The following SMAD2 variants were observed in gnomAD, a reference collection of about 807,000 sequenced individuals.
SMAD2 encodes the protein MAD homolog 2.
Under a neutral mutation model 64.4 loss-of-function variants are expected in SMAD2, and 8 were observed. That is an observed-to-expected ratio of 0.12 (90% CI 0.07 to 0.22). SMAD2 has a LOEUF of 0.22. Ranked by LOEUF, SMAD2 falls within the 10% of genes least tolerant of loss-of-function variation. The pLI is 1.00. For synonymous variants in SMAD2, 203 were observed against 195.8 expected (o/e 1.04, Z -0.31); for missense variants, 289 against 561.2 (o/e 0.51, Z 4.90).
At chr18:47,927,898 CA>C (rs1568124552) in intron 1 of SMAD2, among the ~76,000 whole-genome samples, 1 of 152,172 alleles carries the variant, frequency 6.6e-6, no homozygotes, top group East Asian at 1.9e-4. Context: ...AACTCCGTCT[CA>C]AAATAAAATA....
At chr18:47,860,450 A>G (rs1191010431) in intron 6 of SMAD2, among the ~76,000 whole-genome samples, 1 of 151,902 alleles carries the variant, frequency 6.6e-6, no homozygotes, top group Admixed American at 6.6e-5. Flanking sequence ...TTAAAAAAAA[A>G]AAAATTTTTT....
At chr18:47,874,663 G>A (rs1195807045) in intron 2 of SMAD2, among the ~76,000 whole-genome samples, 1 of 152,004 alleles carries the variant, frequency 6.6e-6, no homozygotes, top group African/African-American at 2.4e-5. Flanking sequence ...GATATGGAAA[G>A]GTCTAAAATA....
rs982562406 is a variant in SMAD2 at position 47,816,739 on chromosome 18, A to G, written c.*25088T>C. The G allele has an allele frequency of 6.7e-5, 10 of 149,878 alleles. No individual in the cohort carries two copies. Among genetic ancestry groups the G allele is most frequent in the African/African-American group, 2.2e-4 (9 of 40,822 alleles). The allele number at this position is 149,878 out of a possible 1,614,324, so 9.3% of individuals were successfully genotyped here. On this transcript the variant is annotated 3_prime_UTR_variant, in exon 11 of 11. Transcript: ENST00000262160. ...TGTCTTCCTTTACTTCCCTGAATAC[A>G]CACGTAGTTTACCATGACATGGGTC...
intron 5 of SMAD2, 166 bp downstream of exon 5, chr18:47,868,157 C>A: frequency 1.5e-6 from 1 of 647,304 alleles, no homozygotes; most frequent in Non-Finnish European, 2.7e-6. Flanking sequence ...GTTTAATGTA[C>A]TAGGCTTATA....
At chr18:47,891,951 C>G (rs2033216414) in intron 2 of SMAD2, among the ~76,000 whole-genome samples, 1 of 152,032 alleles carries the variant, frequency 6.6e-6, no homozygotes, top group Admixed American at 6.5e-5. Flanking sequence ...ATACTCATTA[C>G]TAAAAATTTG....
intron 4 of SMAD2, 72 bp from the exon 5 acceptor site, chr18:47,868,529 T>C (rs1029662242): frequency 8.0e-7 from 1 of 1,250,290 alleles, no homozygotes; most frequent in Non-Finnish European, 1.2e-6. Context: ...TTTAAAGTTT[T>C]CAACAAGAAG....
chr18:47,889,687 C>T (rs2033095513), intron 2 of SMAD2, among the ~76,000 whole-genome samples: 1 of 151,116 alleles, frequency 6.6e-6, no homozygotes, highest in African/African-American at 2.4e-5. Context: ...AGGAGAATGG[C>T]GTGAATCCGG....
chr18:47,870,646 A>T, intron 2 of SMAD2, 82 bp from the exon 3 acceptor site: 4 of 892,814 alleles, frequency 4.5e-6, no homozygotes, highest in African/African-American at 1.6e-5. Flanking sequence ...AAACATGGAG[A>T]ATGTACAGAA....
rs1912648785 is a variant in SMAD2 at position 47,823,665 on chromosome 18, G to A, written c.*18162C>T. The stretch of plus-strand genomic sequence containing the variant: ...TTCAAACTGCAAACCAGGACAAAAA[G>A]TTGATGATTTCAGGCTGTAGACATT... On this transcript the variant is annotated 3_prime_UTR_variant, in exon 11 of 11. Transcript: ENST00000262160. The A allele has an allele frequency of 6.6e-6, 1 of 152,182 alleles. No individual in the cohort carries two copies. The highest frequency in any genetic ancestry group is 2.1e-4 in the South Asian group (1 of 4,828). The allele number at this position is 152,182 out of a possible 1,614,324, so 9.4% of individuals were successfully genotyped here. A position where few individuals can be genotyped will look rare whatever the true frequency, so the allele number is the denominator to read the frequency against.
chr18:47,915,351 GATAC>G (rs1336544853), intron 1 of SMAD2, among the ~76,000 whole-genome samples: 1 of 152,104 alleles, frequency 6.6e-6, no homozygotes, highest in Non-Finnish European at 1.5e-5. Context: ...AGTCCATGCT[GATAC>G]ATACATAATC....
intron 1 of SMAD2, among the ~76,000 whole-genome samples, chr18:47,925,213 T>C (rs1383792958): frequency 6.6e-6 from 1 of 152,210 alleles, no homozygotes; most frequent in Non-Finnish European, 1.5e-5. Flanking sequence ...TAAAACCAGA[T>C]TTTGAAAAAT....
At chr18:47,856,121 G>T (rs2030655399) in intron 6 of SMAD2, among the ~76,000 whole-genome samples, 1 of 147,320 alleles carries the variant, frequency 6.8e-6, no homozygotes, top group South Asian at 2.2e-4. Context: ...AAAGACACAT[G>T]GCATAATCTC....
rs1889915297 is a variant in SMAD2 at position 47,834,019 on chromosome 18, A to G, written c.*7808T>C. 9.0e-6 allele frequency: 2 copies of G among 221,390 alleles called. No homozygotes were observed. The highest frequency in any genetic ancestry group is 1.9e-4 in the South Asian group (1 of 5,390). The allele number at this position is 221,390 out of a possible 1,614,324, so 13.7% of individuals were successfully genotyped here. A position where few individuals can be genotyped will look rare whatever the true frequency, so the allele number is the denominator to read the frequency against. ...CATCAGTTACCTTAGCTGGATCACTAAGTGTGAGTCTCACCACCATACTGG... is the reference window on the plus strand; with the variant it reads ...CATCAGTTACCTTAGCTGGATCACTGAGTGTGAGTCTCACCACCATACTGG... On this transcript the variant is annotated 3_prime_UTR_variant, in exon 11 of 11. Transcript: ENST00000262160.
At chr18:47,928,406 T>C (rs8084846) in intron 1 of SMAD2, among the ~76,000 whole-genome samples, 2,867 of 152,270 alleles carry the variant, frequency 0.019, 84 homozygotes, top group African/African-American at 0.065. Context: ...GAAGTAAAGA[T>C]TATAGCAACA....
intron 10 of SMAD2, chr18:47,844,989 T>C (rs1285310496): frequency 1.4e-5 from 7 of 495,766 alleles, no homozygotes; most frequent in South Asian, 6.1e-5. Context: ...TGAAATCCAA[T>C]GCACCTTTTA....
At chr18:47,868,826 A>C (rs550704237) in intron 4 of SMAD2, among the ~76,000 whole-genome samples, 1 of 152,306 alleles carries the variant, frequency 6.6e-6, no homozygotes, top group African/African-American at 2.4e-5. Flanking sequence ...TAATAGTTTC[A>C]GGTAGACAGC....
At chr18:47,881,506 A>C (rs781449038) in intron 2 of SMAD2, among the ~76,000 whole-genome samples, 17 of 152,192 alleles carry the variant, frequency 1.1e-4, no homozygotes, top group South Asian at 4.1e-4. Flanking sequence ...ATTCTTTAGG[A>C]TTTCCTACAT....
In SMAD2 at chr18:47,821,586, CT is replaced by C. The variant is rs1377278904; in HGVS notation, c.*20240del. On this transcript the variant is annotated 3_prime_UTR_variant, in exon 11 of 11. Coordinates refer to ENST00000262160, the MANE Select transcript of SMAD2 (RefSeq NM_005901.6). Reference sequence around the variant, plus strand: ...GTACACTCATAACCTTGGAAATACTCTTCCTGTGTCTGATTAAATTCAAGTA... The same window carrying C: ...GTACACTCATAACCTTGGAAATACTCTCCTGTGTCTGATTAAATTCAAGTA... 6.6e-6 allele frequency: 1 copy of C among 152,186 alleles called. No individual in the cohort carries two copies. The highest frequency in any genetic ancestry group is 1.5e-5 in the Non-Finnish European group (1 of 68,026). The allele number at this position is 152,186 out of a possible 1,614,324, so 9.4% of individuals were successfully genotyped here. A position where few individuals can be genotyped will look rare whatever the true frequency, so the allele number is the denominator to read the frequency against.
intron 1 of SMAD2, among the ~76,000 whole-genome samples, chr18:47,929,627 A>G (rs1465414875): frequency 6.6e-6 from 1 of 152,180 alleles, no homozygotes; most frequent in African/African-American, 2.4e-5. Context: ...CACTGGTGGT[A>G]TTTTGCTTTT....
Sources: gnomAD v4.1 joint callset for allele counts (sites outside exome capture counted in the v4.1 genomes callset) on GRCh38, gnomAD v4.1.1 for gene constraint, MANE v1.5 for transcripts, NCBI Gene and HGNC (gene_info 2026-07-23, HGNC 2026-07-21) for gene names.